CBFA2T3: variants seen among roughly 807,000 people sequenced by gnomAD.
The protein encoded by CBFA2T3 is CBFA2/RUNX1 partner transcriptional co-repressor 3.
In CBFA2T3, 31 loss-of-function variants were observed where a neutral mutation model predicts 58.6. The observed-to-expected ratio is 0.53, with a 90% CI of 0.40 to 0.71. The LOEUF is 0.71. Ranked by LOEUF, CBFA2T3 falls within the 30% of genes least tolerant of loss-of-function variation. CBFA2T3 has a pLI of 0.00. For synonymous variants in CBFA2T3, 531 were observed against 421.9 expected (o/e 1.26, Z -3.17); for missense variants, 1,076 against 963.1 (o/e 1.12, Z -1.55).
At chr16:88,926,256 T>G (rs1184486610) in intron 1 of CBFA2T3, among the ~76,000 whole-genome samples, 1 of 152,128 alleles carries the variant, frequency 6.6e-6, no homozygotes, top group Non-Finnish European at 1.5e-5. Context: ...GGAGTGAATC[T>G]GGGTTCCGTG....
intron 9 of CBFA2T3, 26 bp downstream of exon 9, chr16:88,881,265 T>G: frequency 6.3e-7 from 1 of 1,592,296 alleles, no homozygotes; most frequent in East Asian, 2.2e-5. Flanking sequence ...CCGTGTCTGC[T>G]CCCTCCCCCC....
At chr16:88,954,088 C>G (rs528624093) in intron 1 of CBFA2T3, among the ~76,000 whole-genome samples, 7 of 152,256 alleles carry the variant, frequency 4.6e-5, no homozygotes, top group African/African-American at 1.7e-4. Flanking sequence ...GAGAACTGCC[C>G]AGGAGCTCCC....
At position 88,880,804 on chromosome 16, in the gene CBFA2T3, G is replaced by A. The variant is rs368005595; in HGVS notation, c.1403-16C>T. 1.1e-5 allele frequency: 18 copies of A among 1,571,492 alleles called. No individual in the cohort carries two copies. The African/African-American group carries it at 2.3e-4, about 20-fold the overall frequency. On this transcript the variant is annotated splice_polypyrimidine_tract_variant and intron_variant, in intron 9 of 11. Coordinates refer to ENST00000268679, the MANE Select transcript of CBFA2T3 (RefSeq NM_005187.6). ...CGAGGCACGTCTGAAACAGGGGCCG[G>A]CGTCACACAGGATGGGCCACGCGGC...
In CBFA2T3 at chr16:88,976,687, C is replaced by G. The variant is rs762921435; in HGVS notation, c.121G>C (p.Ala41Pro). 6.4e-7 allele frequency: 1 copy of G among 1,561,652 alleles called. No individual in the cohort carries two copies. The highest frequency in any genetic ancestry group is 1.2e-5 in the South Asian group (1 of 84,978). The change falls in exon 1 of 12, where the codon GCA (alanine) becomes CCA (proline). Residue 41 changes from alanine (A) to proline (P), a missense_variant. Physicochemically the swap from Ala to Pro is conservative, Grantham distance 27 (BLOSUM62 -1). Coordinates refer to ENST00000268679, the MANE Select transcript of CBFA2T3 (RefSeq NM_005187.6). ...SGLLASAGCS[A>P]PRGPRKGGPA... ...CCGCCCTTCCTGGGACCCCGGGGTG[C>G]GGAGCAGCCGGCAGATGCCAGGAGG...
At chr16:88,975,848 T>C (rs1222969782) in intron 1 of CBFA2T3, among the ~76,000 whole-genome samples, 1 of 152,184 alleles carries the variant, frequency 6.6e-6, no homozygotes, top group Admixed American at 6.5e-5. Context: ...GTTCTGTGTG[T>C]GAGTGTCAGG....
At chr16:88,976,100 C>T (rs1183815837) in intron 1 of CBFA2T3, among the ~76,000 whole-genome samples, 4 of 152,236 alleles carry the variant, frequency 2.6e-5, no homozygotes, top group Admixed American at 2.6e-4. Flanking sequence ...CTCCCCAGAG[C>T]CCGAAGCCCC....
chr16:88,947,538 G>T (rs916105683), intron 1 of CBFA2T3, among the ~76,000 whole-genome samples: 1 of 152,136 alleles, frequency 6.6e-6, no homozygotes, highest in African/African-American at 2.4e-5. Context: ...TTATTTCCTG[G>T]GCTGGATTAT....
At chr16:88,903,659 T>TGGG (rs34558819) in intron 1 of CBFA2T3, among the ~76,000 whole-genome samples, 4 of 77,122 alleles carry the variant, frequency 5.2e-5, no homozygotes, top group African/African-American at 9.9e-5. Context: ...TGTTCCCGGC[T>TGGG]GGGGGGGGGG....
chr16:88,878,447 A>C (rs977662299), intron 11 of CBFA2T3, among the ~76,000 whole-genome samples: 16 of 152,214 alleles, frequency 1.1e-4, no homozygotes, highest in African/African-American at 3.6e-4. Flanking sequence ...CTCCCCTGGA[A>C]AGGGTCTCTC....
chr16:88,906,706 G>A (rs934567855), intron 1 of CBFA2T3, among the ~76,000 whole-genome samples: 2 of 152,218 alleles, frequency 1.3e-5, no homozygotes, highest in East Asian at 1.9e-4. Flanking sequence ...CCCATGAGGC[G>A]GGCCCTGTCA....
At chr16:88,886,179 G>T in intron 5 of CBFA2T3, 37 bp from the exon 6 acceptor site, 4 of 1,464,816 alleles carry the variant, frequency 2.7e-6, no homozygotes, top group Non-Finnish European at 3.6e-6. Flanking sequence ...GTAGCATGCA[G>T]GGGTGCACAG....
chr16:88,941,129 G>A, intron 1 of CBFA2T3: 1 of 984,176 alleles, frequency 1.0e-6, no homozygotes, highest in Non-Finnish European at 1.2e-6. Flanking sequence ...ACTCAGGGGC[G>A]GCTGCGCGCT....
At chr16:88,887,063 AG>A in intron 5 of CBFA2T3, 1 of 152,270 alleles carries the variant, frequency 6.6e-6, no homozygotes, top group Non-Finnish European at 1.5e-5. Context: ...ATGCTGGACC[AG>A]GGCCCAGCAG....
chr16:88,928,620 G>A (rs1971164865), intron 1 of CBFA2T3, among the ~76,000 whole-genome samples: 1 of 152,254 alleles, frequency 6.6e-6, no homozygotes, highest in Admixed American at 6.5e-5. Flanking sequence ...TGGGGTATGG[G>A]GACCGTCCCT....
chr16:88,882,563 GGCATGGCTGTGGGCGTGGCTGTGTGT>G (rs77571900), intron 8 of CBFA2T3, 87 bp downstream of exon 8: 216,466 of 759,014 alleles, frequency 0.29, 28,958 homozygotes, highest in East Asian at 0.5. Context: ...GCTGTGTGTG[GGCATGGCTGTGGGCGTGGCTGTGTGT>G]GCATGGCTGT....
At chr16:88,913,204 C>T (rs993734176) in intron 1 of CBFA2T3, among the ~76,000 whole-genome samples, 1 of 152,236 alleles carries the variant, frequency 6.6e-6, no homozygotes, top group African/African-American at 2.4e-5. Context: ...CCCCACTAGC[C>T]CTCTGTGGAG....
intron 3 of CBFA2T3, among the ~76,000 whole-genome samples, chr16:88,897,448 C>A (rs522145): frequency 0.26 from 40,087 of 152,172 alleles, 6,182 homozygotes; most frequent in East Asian, 0.45. Context: ...AAAACTATAA[C>A]CACCACCTGG....
intron 1 of CBFA2T3, among the ~76,000 whole-genome samples, chr16:88,961,770 GGC>G (rs1972364993): frequency 1.9e-5 from 2 of 105,560 alleles, no homozygotes; most frequent in Admixed American, 1.8e-4. Context: ...CTCAGCGCTG[GGC>G]ATTCCCACTG....
In CBFA2T3 at chr16:88,901,636, T is replaced by C. The variant is rs572358958; in HGVS notation, c.172A>G (p.Lys58Glu). 172 of 1,532,404 alleles carry C rather than the reference T, an allele frequency of 1.1e-4. 1 individual carries two copies. The East Asian group carries it at 4.4e-3, about 39-fold the overall frequency. The allele number at this position is 1,532,404 out of a possible 1,614,324, so 94.9% of individuals were successfully genotyped here. Reference protein sequence around the residue: ...GGPAPVDRKAKASAMPDSPAE... With the variant: ...GGPAPVDRKAEASAMPDSPAE... ...GGGGAGTCCGGCATCGCTGAGGCCT[T>C]AGCTTTCCTGTCCACTGGGGCTGCG... The change falls in exon 2 of 12, where the codon AAG (lysine) becomes GAG (glutamate). Residue 58 changes from lysine (K) to glutamate (E), a missense_variant. By Grantham distance (56) the Lys-to-Glu change is moderately conservative. Transcript: ENST00000268679.
Sources: gnomAD v4.1 joint callset for allele counts (sites outside exome capture counted in the v4.1 genomes callset) on GRCh38, gnomAD v4.1.1 for gene constraint, MANE v1.5 for transcripts, NCBI Gene and HGNC (gene_info 2026-07-23, HGNC 2026-07-21) for gene names.